NRG3: variants seen among roughly 807,000 people sequenced by gnomAD.
NRG3 encodes the protein neuregulin 3.
In NRG3, 31 loss-of-function variants were observed where a neutral mutation model predicts 66.9. The observed-to-expected ratio is 0.46, with a 90% CI of 0.35 to 0.63. The LOEUF (loss-of-function observed/expected upper bound fraction) is 0.63. Ranked by LOEUF, NRG3 falls within the 20% of genes least tolerant of loss-of-function variation. The pLI is 0.00. For missense variants in NRG3, 910 were observed against 878.9 expected (o/e 1.04, Z -0.45); for synonymous variants, 393 against 359.4 (o/e 1.09, Z -1.06).
At chr10:81,967,632 T>C (rs1376221555) in intron 1 of NRG3, among the ~76,000 whole-genome samples, 1 of 152,142 alleles carries the variant, frequency 6.6e-6, no homozygotes, top group African/African-American at 2.4e-5. Flanking sequence ...ACTGTAAGAG[T>C]GAGTGTGCCA....
Position 82,499,837 on chromosome 10 carries a change from T to C in NRG3, c.953+140969T>C, listed in dbSNP as rs375356810. Among the ~76,000 whole-genome samples, 9 of 152,326 alleles carry C rather than the reference T, an allele frequency of 5.9e-5. 1 individual carries two copies. Among genetic ancestry groups the C allele is most frequent in the African/African-American group, 2.2e-4 (9 of 41,582 alleles). On this transcript the variant is annotated intron_variant, in intron 2 of 8. Coordinates refer to ENST00000372141, the MANE Select transcript of NRG3 (RefSeq NM_001010848.4). ...GTGTGAAAAACCTTCAGGTAAATTC[T>C]CACTCCACGGTGTACAGGCTAAGCC...
intron 2 of NRG3, among the ~76,000 whole-genome samples, chr10:82,429,887 T>G (rs1324529626): frequency 1.3e-5 from 2 of 152,216 alleles, no homozygotes; most frequent in African/African-American, 4.8e-5. Context: ...TTCATTATTC[T>G]GACAGTTGAA....
chr10:82,411,518 G>A (rs574276046), intron 2 of NRG3, among the ~76,000 whole-genome samples: 36 of 152,182 alleles, frequency 2.4e-4, no homozygotes, highest in Non-Finnish European at 4.6e-4. Context: ...ATCAACAATT[G>A]CAAACGTTCA....
At chr10:82,124,728 A>G (rs959792629) in intron 1 of NRG3, among the ~76,000 whole-genome samples, 4 of 124,650 alleles carry the variant, frequency 3.2e-5, no homozygotes, top group African/African-American at 1.5e-4. Flanking sequence ...AACTTAAAGT[A>G]AAAAAAAAAA....
At chr10:82,648,778 G>A (rs1020046921) in intron 2 of NRG3, among the ~76,000 whole-genome samples, 1 of 152,090 alleles carries the variant, frequency 6.6e-6, no homozygotes, top group African/African-American at 2.4e-5. Context: ...ATTGTGAATG[G>A]GAGTTCACTC....
At chr10:82,765,303 G>A (rs2059473777) in intron 3 of NRG3, among the ~76,000 whole-genome samples, 1 of 151,966 alleles carries the variant, frequency 6.6e-6, no homozygotes, top group Non-Finnish European at 1.5e-5. Flanking sequence ...AATTTTAGAG[G>A]ATTAAAGTTT....
chr10:82,271,721 A>G (rs1298883722), intron 1 of NRG3, among the ~76,000 whole-genome samples: 2 of 152,084 alleles, frequency 1.3e-5, no homozygotes, highest in African/African-American at 4.8e-5. Flanking sequence ...TGCTGCTGTC[A>G]TATTTAATGC....
At chr10:82,316,208 C>A (rs2081287381) in intron 1 of NRG3, among the ~76,000 whole-genome samples, 1 of 152,106 alleles carries the variant, frequency 6.6e-6, no homozygotes, top group Non-Finnish European at 1.5e-5. Context: ...GAATTACTTA[C>A]AACATTATTA....
chr10:82,212,538 C>T (rs746493414), intron 1 of NRG3, among the ~76,000 whole-genome samples: 3 of 152,176 alleles, frequency 2.0e-5, no homozygotes, highest in African/African-American at 4.8e-5. Flanking sequence ...AAAGTTGTCA[C>T]TTGGACTGAA....
intron 2 of NRG3, among the ~76,000 whole-genome samples, chr10:82,517,573 A>T (rs1408358342): frequency 6.6e-6 from 1 of 151,616 alleles, no homozygotes; most frequent in Non-Finnish European, 1.5e-5. Context: ...GCAGGATTTC[A>T]TTATGTGTTT....
intron 3 of NRG3, among the ~76,000 whole-genome samples, chr10:82,823,496 G>A (rs1037450616): frequency 1.3e-5 from 2 of 152,156 alleles, no homozygotes; most frequent in Non-Finnish European, 2.9e-5. Context: ...ATAGAGCTGA[G>A]AGAGTGGTGA....
At chr10:81,966,111 T>G (rs1402245172) in intron 1 of NRG3, among the ~76,000 whole-genome samples, 4 of 151,958 alleles carry the variant, frequency 2.6e-5, no homozygotes, top group African/African-American at 9.6e-5. Flanking sequence ...AGTTTGAATT[T>G]TATAAATGTT....
intron 1 of NRG3, among the ~76,000 whole-genome samples, chr10:82,186,452 C>T (rs868271633): frequency 1.3e-5 from 2 of 152,134 alleles, no homozygotes; most frequent in African/African-American, 2.4e-5. Context: ...CAGGTTACTC[C>T]GGCTGTGACC....
chr10:82,825,952 G>A (rs478982), intron 3 of NRG3, among the ~76,000 whole-genome samples: 60,138 of 151,898 alleles, frequency 0.4, 12,268 homozygotes, highest in African/African-American at 0.51. Flanking sequence ...TACATTTAGC[G>A]TACATTGTGT....
chr10:82,282,549 G>A (rs2079181806), intron 1 of NRG3, among the ~76,000 whole-genome samples: 1 of 152,134 alleles, frequency 6.6e-6, no homozygotes, highest in South Asian at 2.1e-4. Flanking sequence ...TTCCAGTCCA[G>A]CTACTAACCA....
chr10:82,877,018 T>C (rs1021031422), intron 4 of NRG3, among the ~76,000 whole-genome samples: 1 of 145,292 alleles, frequency 6.9e-6, no homozygotes, highest in East Asian at 2.0e-4. Flanking sequence ...AGTGAAACTC[T>C]GCCAAGAAAA....
intron 5 of NRG3, 77 bp from the exon 6 acceptor site, chr10:82,958,872 G>A: frequency 7.1e-7 from 1 of 1,416,876 alleles, no homozygotes; most frequent in Non-Finnish European, 9.3e-7. Flanking sequence ...TATAGACACT[G>A]GGAATGAATG....
At chr10:81,898,677 A>T (rs552510073) in intron 1 of NRG3, among the ~76,000 whole-genome samples, 4 of 152,136 alleles carry the variant, frequency 2.6e-5, no homozygotes, top group Non-Finnish European at 5.9e-5. Context: ...TCCAAAATAA[A>T]TAAATAATAC....
At chr10:82,168,871 T>C (rs964036767) in intron 1 of NRG3, among the ~76,000 whole-genome samples, 1 of 152,194 alleles carries the variant, frequency 6.6e-6, no homozygotes, top group Non-Finnish European at 1.5e-5. Context: ...TTTCCATCAA[T>C]TTTTCTGACT....
Sources: allele counts gnomAD v4.1 joint callset (sites outside exome capture counted in the v4.1 genomes callset), GRCh38; gene constraint gnomAD v4.1.1; transcripts MANE v1.5; gene names NCBI Gene and HGNC (gene_info 2026-07-23, HGNC 2026-07-21).